Variants in MICU1 observed in about 807,000 individuals in gnomAD.
MICU1 encodes the protein mitochondrial calcium uptake 1, also known as calcium uptake protein 1, mitochondrial.
Under a neutral mutation model 56.8 loss-of-function variants are expected in MICU1, and 45 were observed. That is an observed-to-expected ratio of 0.79 (90% CI 0.62 to 1.02). The LOEUF (loss-of-function observed/expected upper bound fraction) is 1.02, where lower values mean the gene tolerates loss of function less well. Among genes scored for constraint, MICU1 ranks in the 50% least tolerant of loss-of-function variants. The pLI is 0.00. For synonymous variants in MICU1, 186 were observed against 195.1 expected (o/e 0.95, Z 0.39); for missense variants, 504 against 587.1 (o/e 0.86, Z 1.46).
chr10:72,623,321 AGAC>A (rs1374357645), intron 1 of MICU1, among the ~76,000 whole-genome samples: 36 of 147,074 alleles, frequency 2.4e-4, no homozygotes, highest in African/African-American at 3.0e-4. Context: ...AAAAAAAAAA[AGAC>A]AAGAAAAGAA....
At chr10:72,431,726 C>T (rs1305687999) in intron 8 of MICU1, among the ~76,000 whole-genome samples, 1 of 152,176 alleles carries the variant, frequency 6.6e-6, no homozygotes, top group Non-Finnish European at 1.5e-5. Context: ...TTTTTTGCCA[C>T]TCTCTTCGGT....
rs987940590 is a variant in MICU1 at position 72,470,674 on chromosome 10, A to C, written c.933+4426T>G. ...GCCCCTGCCTCTTAACAGTGATACA[A>C]CAGCAATTAAATTTCCAATACATGA... On this transcript the variant is annotated intron_variant, in intron 8 of 11. Transcript: ENST00000361114. Among the ~76,000 whole-genome samples the C allele has an allele frequency of 5.3e-5, 8 of 151,880 alleles. No homozygotes were observed. In the East Asian group the frequency reaches 1.4e-3, roughly 26 times the overall value.
intron 5 of MICU1, among the ~76,000 whole-genome samples, chr10:72,513,843 A>G (rs1488345255): frequency 6.6e-6 from 1 of 152,072 alleles, no homozygotes; most frequent in Non-Finnish European, 1.5e-5. Context: ...TTGAAATTCA[A>G]TTAACCATAG....
chr10:72,498,081 G>A lies in MICU1; in HGVS notation c.652+10074C>T, dbSNP rs375140630. On this transcript the variant is annotated intron_variant, in intron 6 of 11. Coordinates refer to ENST00000361114, the MANE Select transcript of MICU1 (RefSeq NM_001195518.2). ...CACCATCATTCATTCATGATTTAAT[G>A]TGAACATTGCTTTTAAATTATGACA... Among the ~76,000 whole-genome samples the A allele has an allele frequency of 2.6e-5, 4 of 152,164 alleles. No individual in the cohort carries two copies. The East Asian group carries it at 7.7e-4, about 29-fold the overall frequency.
intron 3 of MICU1, among the ~76,000 whole-genome samples, chr10:72,554,599 T>C (rs879479691): frequency 6.6e-6 from 1 of 152,198 alleles, no homozygotes; most frequent in Non-Finnish European, 1.5e-5. Flanking sequence ...AATTAAACTA[T>C]ATGTCTAGGA....
Position 72,566,632 on chromosome 10 carries a change from C to T in MICU1, c.161+1G>A, listed in dbSNP as rs375502236. The T allele has an allele frequency of 7.4e-6, 12 of 1,611,036 alleles. No individual in the cohort carries two copies. Among genetic ancestry groups the T allele is most frequent in the Non-Finnish European group, 1.0e-5 (12 of 1,178,744 alleles). On this transcript the variant is annotated splice_donor_variant, in intron 2 of 11. Transcript: ENST00000361114. LOFTEE classifies it high-confidence loss of function. ...GAACAAGATGGTTGGATAACACTCA[C>T]CTCTTCCACAAAAGACCAGTACTTG... is the stretch of plus-strand genomic sequence containing the variant.
Position 72,509,289 on chromosome 10 carries a change from AAAGT to A in MICU1, c.538-1024_538-1021del, listed in dbSNP as rs1221933112. On this transcript the variant is annotated intron_variant, in intron 5 of 11. Coordinates refer to ENST00000361114, the MANE Select transcript of MICU1 (RefSeq NM_001195518.2). ...CAAAGTAATAATGTCATGCAAGCAT[AAAGT>A]AAGAGGCAGCATTGCAGGCATAACT... 108 of 881,456 alleles carry A rather than the reference AAAGT, an allele frequency of 1.2e-4. 1 individual carries two copies. In the South Asian group the frequency reaches 1.3e-3, roughly 11 times the overall value. The allele number at this position is 881,456 out of a possible 1,614,324, so 54.6% of individuals were successfully genotyped here.
chr10:72,505,434 C>T (rs1323328076), intron 6 of MICU1, among the ~76,000 whole-genome samples: 1 of 152,158 alleles, frequency 6.6e-6, no homozygotes, highest in African/African-American at 2.4e-5. Flanking sequence ...ACAGAACTAC[C>T]ATTCAACCCA....
At chr10:72,494,984 G>C (rs1866790011) in intron 6 of MICU1, among the ~76,000 whole-genome samples, 1 of 152,116 alleles carries the variant, frequency 6.6e-6, no homozygotes, top group Non-Finnish European at 1.5e-5. Flanking sequence ...TCAGAGAGCT[G>C]CCAGAAATAG....
At chr10:72,453,031 G>A (rs1272586554) in intron 8 of MICU1, among the ~76,000 whole-genome samples, 2 of 152,154 alleles carry the variant, frequency 1.3e-5, no homozygotes, top group African/African-American at 2.4e-5. Flanking sequence ...CGAGGCAGAG[G>A]AGGCTCCTGG....
At chr10:72,501,760 A>T in intron 6 of MICU1, 1 of 152,194 alleles carries the variant, frequency 6.6e-6, no homozygotes, top group East Asian at 1.9e-4. Context: ...TACAGAGAAG[A>T]GTAAGAAATT....
intron 4 of MICU1, among the ~76,000 whole-genome samples, chr10:72,549,030 C>T (rs564045833): frequency 2.6e-4 from 39 of 152,090 alleles, no homozygotes; most frequent in South Asian, 2.1e-4. Context: ...AAATTTCATA[C>T]ATTTTGGAGG....
At chr10:72,557,894 A>G (rs1308185813) in intron 3 of MICU1, among the ~76,000 whole-genome samples, 2 of 152,306 alleles carry the variant, frequency 1.3e-5, no homozygotes, top group East Asian at 1.9e-4. Context: ...TTTCTTTCGC[A>G]TCTTGTTTGG....
chr10:72,437,230 G>C (rs1422349819), intron 8 of MICU1, among the ~76,000 whole-genome samples: 1 of 152,158 alleles, frequency 6.6e-6, no homozygotes, highest in Non-Finnish European at 1.5e-5. Flanking sequence ...AGAAGAGAGT[G>C]GGGGCCAATA....
chr10:72,491,462 A>G (rs1460572387), intron 6 of MICU1, among the ~76,000 whole-genome samples: 4 of 152,170 alleles, frequency 2.6e-5, no homozygotes, highest in Non-Finnish European at 4.4e-5. Context: ...CCATGGATTC[A>G]TATTCACCCA....
intron 1 of MICU1, among the ~76,000 whole-genome samples, chr10:72,588,343 A>G (rs777828689): frequency 3.0e-4 from 46 of 151,146 alleles, no homozygotes; most frequent in Admixed American, 1.5e-3. Flanking sequence ...TTTTTATAGC[A>G]GTGCAAGAAT....
chr10:72,605,540 A>G, intron 1 of MICU1, among the ~76,000 whole-genome samples: 1 of 152,158 alleles, frequency 6.6e-6, no homozygotes, highest in African/African-American at 2.4e-5. Flanking sequence ...AAGAATCCAC[A>G]TGGCCTCCTG....
In MICU1 at chr10:72,427,733, AATATATATATAT is replaced by A. The variant is rs58696519; in HGVS notation, c.934-4374_934-4363del. On this transcript the variant is annotated intron_variant, in intron 8 of 11. Coordinates refer to ENST00000361114, the MANE Select transcript of MICU1 (RefSeq NM_001195518.2). ...TCAGCATCATAGACCCCATCTCTAAAATATATATATATATATATATATATATATATATATATG... is the reference window on the plus strand; with the variant it reads ...TCAGCATCATAGACCCCATCTCTAAAATATATATATATATATATATATATG... 9.5e-5 allele frequency among the ~76,000 whole-genome samples: 13 copies of A among 136,346 alleles called. No individual in the cohort carries two copies. The East Asian group carries it at 1.3e-3, about 14-fold the overall frequency. The allele number at this position is 136,346 out of a possible 152,430, so 89.4% of individuals were successfully genotyped here.
At chr10:72,491,035 G>C (rs1866637987) in intron 6 of MICU1, among the ~76,000 whole-genome samples, 1 of 152,058 alleles carries the variant, frequency 6.6e-6, no homozygotes, top group African/African-American at 2.4e-5. Context: ...TTATGAACCG[G>C]GACAGTCCCA....
Sources: allele counts gnomAD v4.1 joint callset (sites outside exome capture counted in the v4.1 genomes callset), GRCh38; gene constraint gnomAD v4.1.1; transcripts MANE v1.5; gene names NCBI Gene and HGNC (gene_info 2026-07-23, HGNC 2026-07-21).